TG: variants seen among roughly 807,000 people sequenced by gnomAD.
The protein encoded by TG is thyroglobulin.
A neutral mutation model predicts 324.7 loss-of-function variants in TG; 270 were observed. The observed-to-expected ratio is 0.83, with a 90% confidence interval of 0.75 to 0.92. TG has a LOEUF of 0.92. TG is among the 40% of genes least tolerant of loss of function. TG has a pLI of 0.00. For missense variants in TG, 3,591 were observed against 3,456.4 expected, an observed-to-expected ratio of 1.04 and a Z score of -0.98; for synonymous variants, 1,401 against 1,327.0, an observed-to-expected ratio of 1.06 and a Z score of -1.21.
chr8:132,980,973 G>T (rs934920848), intron 34 of TG, among the ~76,000 whole-genome samples: 1 of 152,166 alleles, frequency 6.6e-6, no homozygotes, highest in African/African-American at 2.4e-5. Context: ...GCCAGCAGAA[G>T]ACTTTATGCT....
chr8:133,013,501 G>A, intron 36 of TG, 99 bp from the exon 37 acceptor site: 1 of 1,414,272 alleles, frequency 7.1e-7, no homozygotes, highest in Non-Finnish European at 9.9e-7. Flanking sequence ...ATGGATGGAA[G>A]GGTGGATGAG....
At chr8:132,997,176 G>A (rs896360461) in intron 35 of TG, among the ~76,000 whole-genome samples, 3 of 152,202 alleles carry the variant, frequency 2.0e-5, no homozygotes, top group African/African-American at 7.2e-5. Flanking sequence ...ACCAATCAAG[G>A]ACAAGACTTA....
intron 10 of TG, among the ~76,000 whole-genome samples, chr8:132,889,595 G>A (rs949104387): frequency 6.6e-6 from 1 of 152,168 alleles, no homozygotes; most frequent in Non-Finnish European, 1.5e-5. Flanking sequence ...ATCTTGGCCT[G>A]ACTGTTAGAT....
chr8:133,017,812 T>A lies in TG; in HGVS notation c.6597T>A (p.Pro2199=), dbSNP rs1054751660. Residue 2199 remains proline, a synonymous_variant, in exon 38 of 48, where the codon CCT becomes CCA. Coordinates refer to ENST00000220616, the MANE Select transcript of TG (RefSeq NM_003235.5). The stretch of plus-strand genomic sequence containing the variant: ...TGCTCAGCTATGAGGCATCTGTACC[T>A]TCTGTGCCCATTTCCACCCATGGCC... ...ISLLSYEASV[P]SVPISTHGRL... The A allele has an allele frequency of 1.1e-5, 18 of 1,614,092 alleles. No homozygotes were observed. Among genetic ancestry groups the A allele is most frequent in the Non-Finnish European group, 1.5e-5 (18 of 1,180,050 alleles).
intron 41 of TG, among the ~76,000 whole-genome samples, chr8:133,044,752 C>T (rs1181407971): frequency 6.6e-6 from 1 of 152,196 alleles, no homozygotes; most frequent in African/African-American, 2.4e-5. Flanking sequence ...GTTTAATGTA[C>T]ACTTCGAGAG....
intron 31 of TG, among the ~76,000 whole-genome samples, chr8:132,968,967 C>T (rs76887424): frequency 0.025 from 3,774 of 152,232 alleles, 151 homozygotes; most frequent in African/African-American, 0.084. Context: ...CCTGAGAGAA[C>T]GAACCTTCTA....
chr8:132,913,317 G>T (rs1295791812), intron 20 of TG, 52 bp downstream of exon 20: 2 of 1,580,306 alleles, frequency 1.3e-6, no homozygotes, highest in Non-Finnish European at 1.7e-6. Context: ...TGAGGCTTTA[G>T]GAAAGGCCAC....
rs1834730354 is a variant in TG, at chr8:133,013,583, C to T, written c.6398-17C>T. 1.9e-6 allele frequency: 3 copies of T among 1,614,010 alleles called. No homozygotes were observed. The highest frequency in any genetic ancestry group is 1.6e-4 in the Middle Eastern group (1 of 6,062). The stretch of plus-strand genomic sequence containing the variant: ...TCTCTGAGGCCCAAGCATCACTCTT[C>T]TCCCTCTTTTCTGCAGAATGTTCCC... On this transcript the variant is annotated splice_polypyrimidine_tract_variant and intron_variant, in intron 36 of 47. Coordinates refer to ENST00000220616, the MANE Select transcript of TG (RefSeq NM_003235.5).
rs532684271 is a variant in TG, at chr8:133,006,111, G to A, written c.6263-5790G>A. Among the ~76,000 whole-genome samples, 10 of 152,282 alleles carry A rather than the reference G, an allele frequency of 6.6e-5. No homozygotes were observed. The East Asian group carries it at 1.9e-3, about 29-fold the overall frequency. Reference sequence around the variant, plus strand: ...ATGCTTATTAGAGATCATGAACAAGGGCAATGCGTAACACAAAGATCTTTA... The same window carrying A: ...ATGCTTATTAGAGATCATGAACAAGAGCAATGCGTAACACAAAGATCTTTA... On this transcript the variant is annotated intron_variant, in intron 35 of 47. Coordinates refer to ENST00000220616, the MANE Select transcript of TG (RefSeq NM_003235.5).
chr8:132,969,111 T>C (rs1829088960), intron 31 of TG, among the ~76,000 whole-genome samples: 1 of 152,164 alleles, frequency 6.6e-6, no homozygotes, highest in Non-Finnish European at 1.5e-5. Context: ...AGGGCTGCCA[T>C]ACTTAAACCT....
chr8:132,983,245 A>G, intron 34 of TG, 105 bp from the exon 35 acceptor site: 1 of 1,279,328 alleles, frequency 7.8e-7, no homozygotes, highest in Non-Finnish European at 1.1e-6. Flanking sequence ...TCTGCCTTCC[A>G]AGTCCAATTT....
intron 44 of TG, 85 bp from the exon 45 acceptor site, chr8:133,116,524 C>A (rs1850706014): frequency 1.5e-6 from 2 of 1,310,792 alleles, no homozygotes; most frequent in Non-Finnish European, 2.2e-6. Flanking sequence ...CCCAGGGGGC[C>A]CCTTGCTGGG....
intron 47 of TG, among the ~76,000 whole-genome samples, chr8:133,134,068 G>A (rs1444467869): frequency 6.6e-6 from 1 of 152,228 alleles, no homozygotes; most frequent in African/African-American, 2.4e-5. Context: ...GGAAAAGTGG[G>A]CATTTCTACC....
At chr8:133,004,524 G>C (rs1833852772) in intron 35 of TG, among the ~76,000 whole-genome samples, 2 of 152,156 alleles carry the variant, frequency 1.3e-5, no homozygotes, top group South Asian at 2.1e-4. Context: ...AGTATCCTGT[G>C]GTCTTTCCTC....
intron 43 of TG, among the ~76,000 whole-genome samples, chr8:133,101,848 G>T (rs2979023): frequency 0.23 from 33,893 of 147,140 alleles, 4,285 homozygotes; most frequent in South Asian, 0.3. Flanking sequence ...CTGTCAGCTG[G>T]AGTGACACAA....
chr8:133,116,701 A>G lies in TG; in HGVS notation c.7847A>G (p.Asn2616Ser), dbSNP rs10091530. ...GNVFMYHAPE[N>S]YGHGSLELLA... is the part of the protein sequence containing the mutation. ...GTCTTCATGTACCATGCTCCTGAAA[A>G]CTACGGCCATGGCAGGTAAGACGCT... Residue 2616 changes from asparagine to serine, a missense_variant, in exon 45 of 48, where the codon AAC becomes AGC. Transcript: ENST00000220616. 25,210 of 1,614,096 alleles carry G rather than the reference A, an allele frequency of 0.016. 3,037 individuals are homozygous for G. The African/African-American group carries it at 0.28, about 18-fold the overall frequency.
In TG at chr8:132,871,452, G is replaced by A. The variant is rs761251603; in HGVS notation, c.379G>A (p.Ala127Thr). ...TCAGTGTCAGGATTCAGGGGACTAC[G>A]CGCCTGTTCAGTGTGATGTGCAGCA... ...LPQCQDSGDY[A>T]PVQCDVQQVQ... Residue 127 changes from alanine to threonine, a missense_variant, in exon 4 of 48, where the codon GCG becomes ACG. Ala to Thr is a moderately conservative substitution (Grantham distance 58). Transcript: ENST00000220616. The A allele has an allele frequency of 6.8e-6, 11 of 1,614,044 alleles. No individual in the cohort carries two copies. The highest frequency in any genetic ancestry group is 6.7e-5 in the East Asian group (3 of 44,896).
intron 41 of TG, among the ~76,000 whole-genome samples, chr8:133,043,559 C>T (rs554660526): frequency 1.3e-5 from 2 of 152,282 alleles, no homozygotes; most frequent in African/African-American, 4.8e-5. Flanking sequence ...TTAATAATCA[C>T]CTGCTAGGAG....
chr8:132,881,141 CACAGGGGTAGA>C (rs1401266074), intron 5 of TG, among the ~76,000 whole-genome samples: 1 of 152,168 alleles, frequency 6.6e-6, no homozygotes, highest in Non-Finnish European at 1.5e-5. Context: ...TAAATCATTG[CACAGGGGTAGA>C]ACTCCTCAAT....
Sources: allele counts gnomAD v4.1 joint callset (sites outside exome capture counted in the v4.1 genomes callset), GRCh38; gene constraint gnomAD v4.1.1; transcripts MANE v1.5; gene names NCBI Gene and HGNC (gene_info 2026-07-23, HGNC 2026-07-21).